Variants in POPDC1 observed in about 807,000 individuals in gnomAD.
The protein encoded by POPDC1 is popeye domain-containing protein 1.
the POPDC1 span, among the ~76,000 whole-genome samples, chr6:105,110,029 G>A: frequency 1.3e-5 from 2 of 152,102 alleles, no homozygotes; most frequent in Non-Finnish European, 2.9e-5. Flanking sequence ...AGATTTTACA[G>A]GTAAGAAAAT....
chr6:105,126,226 C>CAA, the POPDC1 span, among the ~76,000 whole-genome samples: 1 of 108,302 alleles, frequency 9.2e-6, no homozygotes, highest in Non-Finnish European at 2.0e-5. Context: ...AACTCGGTAT[C>CAA]AAAAAAAAAT....
chr6:105,104,614 C>G, the POPDC1 span, among the ~76,000 whole-genome samples: 1 of 152,110 alleles, frequency 6.6e-6, no homozygotes, highest in Non-Finnish European at 1.5e-5. Flanking sequence ...CCTCAGGGTC[C>G]AGTAAACCTC....
At chr6:105,130,701 G>C in the POPDC1 span, among the ~76,000 whole-genome samples, 1 of 152,136 alleles carries the variant, frequency 6.6e-6, no homozygotes, top group African/African-American at 2.4e-5. Context: ...ATAAAGTACA[G>C]CTTGTTACTG....
chr6:105,101,102 T>C, the POPDC1 span: 1 of 1,611,648 alleles, frequency 6.2e-7, no homozygotes, highest in Non-Finnish European at 8.5e-7. Context: ...AGGCAGCTGA[T>C]GGACTTTCAA....
chr6:105,121,273 T>G, the POPDC1 span, among the ~76,000 whole-genome samples: 3 of 151,884 alleles, frequency 2.0e-5, no homozygotes, highest in Non-Finnish European at 4.4e-5. Context: ...TTTATCTTTT[T>G]TTTTTTTTTT....
chr6:105,109,650 A>T, the POPDC1 span, among the ~76,000 whole-genome samples: 1 of 150,940 alleles, frequency 6.6e-6, no homozygotes, highest in African/African-American at 2.4e-5. Flanking sequence ...AGGCGGGAGG[A>T]CATCTTGAGC....
At chr6:105,126,479 A>G in the POPDC1 span, among the ~76,000 whole-genome samples, 4,881 of 152,068 alleles carry the variant, frequency 0.032, 111 homozygotes, top group Middle Eastern at 0.085. Flanking sequence ...AACTCAGAGC[A>G]TAAGGGGAAG....
At chr6:105,104,772 C>G in the POPDC1 span, among the ~76,000 whole-genome samples, 2 of 152,184 alleles carry the variant, frequency 1.3e-5, no homozygotes, top group Non-Finnish European at 2.9e-5. Context: ...GCACCATCAC[C>G]TGCTACAATG....
the POPDC1 span, among the ~76,000 whole-genome samples, chr6:105,109,818 A>ATTTGGCACT: frequency 6.6e-6 from 1 of 151,230 alleles, no homozygotes; most frequent in Non-Finnish European, 1.5e-5. Context: ...ACGGCACATC[A>ATTTGGCACT]TTTGGCACTG....
the POPDC1 span, among the ~76,000 whole-genome samples, chr6:105,109,633 A>C: frequency 6.6e-6 from 1 of 151,518 alleles, no homozygotes; most frequent in African/African-American, 2.4e-5. Flanking sequence ...AGCTACTCAG[A>C]AGGCTGAGGC....
chr6:105,114,299 A>G, the POPDC1 span, among the ~76,000 whole-genome samples: 1 of 152,216 alleles, frequency 6.6e-6, no homozygotes, highest in Non-Finnish European at 1.5e-5. Flanking sequence ...TTAAATTTGT[A>G]TCCTTTTCTC....
At chr6:105,101,739 G>C in the POPDC1 span, among the ~76,000 whole-genome samples, 1 of 152,168 alleles carries the variant, frequency 6.6e-6, no homozygotes, top group Non-Finnish European at 1.5e-5. Context: ...GGAAGAGGAA[G>C]AAAGGCCAGG....
the POPDC1 span, chr6:105,100,820 T>C: frequency 8.4e-6 from 2 of 238,774 alleles, no homozygotes; most frequent in Non-Finnish European, 1.6e-5. Context: ...AACAATAATA[T>C]ATCTAGAAAA....
the POPDC1 span, chr6:105,133,576 A>G: frequency 6.4e-7 from 1 of 1,565,714 alleles, no homozygotes; most frequent in Non-Finnish European, 8.6e-7. Flanking sequence ...TGTATAATTC[A>G]TTTTGAAAAT....
At chr6:105,130,258 CT>C in the POPDC1 span, among the ~76,000 whole-genome samples, 1 of 152,090 alleles carries the variant, frequency 6.6e-6, no homozygotes, top group Non-Finnish European at 1.5e-5. Flanking sequence ...TTTCATTAAA[CT>C]CTTTGCCAGC....
At chr6:105,117,711 A>G in the POPDC1 span, among the ~76,000 whole-genome samples, 1 of 152,192 alleles carries the variant, frequency 6.6e-6, no homozygotes, top group Non-Finnish European at 1.5e-5. Flanking sequence ...CATTAAATCC[A>G]AGCTCATCAG....
At chr6:105,114,085 G>C in the POPDC1 span, among the ~76,000 whole-genome samples, 1 of 152,130 alleles carries the variant, frequency 6.6e-6, no homozygotes, top group Non-Finnish European at 1.5e-5. Context: ...TGTCGAGGCA[G>C]AGAGAATTCT....
the POPDC1 span, among the ~76,000 whole-genome samples, chr6:105,132,158 G>T: frequency 6.6e-6 from 1 of 151,988 alleles, no homozygotes; most frequent in Non-Finnish European, 1.5e-5. Context: ...TAGACACAAG[G>T]TTTCACCATG....
chr6:105,100,247 C>A, the POPDC1 span: 5 of 151,300 alleles, frequency 3.3e-5, no homozygotes, highest in African/African-American at 1.2e-4. Context: ...CGGTGGCTCA[C>A]GCCTGTAATC....
Sources: allele counts gnomAD v4.1 joint callset (sites outside exome capture counted in the v4.1 genomes callset), GRCh38; gene constraint gnomAD v4.1.1; transcripts MANE v1.5; gene names NCBI Gene and HGNC (gene_info 2026-07-23, HGNC 2026-07-21).